Variants in ROBO1 observed in about 807,000 individuals in gnomAD.
ROBO1 encodes roundabout homolog 1.
ROBO1 carries 149 observed loss-of-function variants against 195.9 expected under a neutral mutation model. The ratio of observed to expected loss-of-function variants is 0.76; its 90% CI spans 0.67 to 0.87. The LOEUF is 0.87. Among genes scored for constraint, ROBO1 ranks in the 40% least tolerant of loss-of-function variants. The pLI, the probability that ROBO1 is intolerant of heterozygous loss-of-function variation, is 0.00. For synonymous variants in ROBO1, 816 were observed against 733.2 expected (o/e 1.11, Z -1.82); for missense variants, 1,933 against 2,068.3 (o/e 0.93, Z 1.27).
At chr3:79,622,579 G>A (rs1347001099) in intron 1 of ROBO1, among the ~76,000 whole-genome samples, 1 of 152,208 alleles carries the variant, frequency 6.6e-6, no homozygotes, top group Non-Finnish European at 1.5e-5. Context: ...TGTGACAAGA[G>A]TGCCTCTTGA....
At chr3:79,524,131 G>A (rs1941329476) in intron 2 of ROBO1, among the ~76,000 whole-genome samples, 1 of 152,008 alleles carries the variant, frequency 6.6e-6, no homozygotes, top group Admixed American at 6.6e-5. Context: ...GTTAGAGAAA[G>A]TTCAAATGCT....
At chr3:79,584,386 C>T (rs1363371153) in intron 2 of ROBO1, among the ~76,000 whole-genome samples, 1 of 150,788 alleles carries the variant, frequency 6.6e-6, no homozygotes, top group Non-Finnish European at 1.5e-5. Flanking sequence ...ACTTCCATTT[C>T]TCACCTTTGG....
intron 3 of ROBO1, among the ~76,000 whole-genome samples, chr3:79,003,762 T>G (rs891002985): frequency 2.0e-5 from 3 of 152,150 alleles, no homozygotes; most frequent in African/African-American, 7.2e-5. Context: ...TTATAACCTA[T>G]GCTCTACTGA....
chr3:79,412,874 A>ATTTTTTTTTTTTTTTTTTTTTTTTT (rs1167482550), intron 2 of ROBO1, among the ~76,000 whole-genome samples: 2 of 38,340 alleles, frequency 5.2e-5, no homozygotes, highest in Non-Finnish European at 4.3e-5. Flanking sequence ...TCATGAGCTG[A>ATTTTTTTTTTTTTTTTTTTTTTTTT]TTTTTTTTTT....
At chr3:78,794,651 C>T (rs2084130200) in intron 4 of ROBO1, among the ~76,000 whole-genome samples, 2 of 152,128 alleles carry the variant, frequency 1.3e-5, no homozygotes, top group Admixed American at 6.5e-5. Context: ...GATCTCAGCT[C>T]ACTGCAGCCC....
intron 3 of ROBO1, among the ~76,000 whole-genome samples, chr3:79,066,436 A>T (rs1267280487): frequency 2.6e-5 from 4 of 151,940 alleles, no homozygotes; most frequent in Non-Finnish European, 5.9e-5. Context: ...TTTACAAACA[A>T]TAGGTTTAAA....
chr3:79,230,268 A>G (rs1200816193), intron 2 of ROBO1, among the ~76,000 whole-genome samples: 1 of 152,146 alleles, frequency 6.6e-6, no homozygotes, highest in Non-Finnish European at 1.5e-5. Context: ...CTGAATTCTT[A>G]TAGCATATAT....
At chr3:79,555,809 C>G (rs557263609) in intron 2 of ROBO1, among the ~76,000 whole-genome samples, 7 of 152,192 alleles carry the variant, frequency 4.6e-5, no homozygotes, top group Admixed American at 4.6e-4. Context: ...AATTACAACT[C>G]TCAGCAAAAG....
intron 4 of ROBO1, among the ~76,000 whole-genome samples, chr3:78,927,014 T>C (rs973978690): frequency 2.0e-5 from 3 of 152,070 alleles, no homozygotes; most frequent in African/African-American, 7.2e-5. Flanking sequence ...CTATGTCAAT[T>C]GCTGACAAGA....
chr3:79,299,778 G>A (rs2032798459), intron 2 of ROBO1, among the ~76,000 whole-genome samples: 1 of 151,474 alleles, frequency 6.6e-6, no homozygotes, highest in South Asian at 2.1e-4. Flanking sequence ...AATAAAAATA[G>A]TGAAGTGTAG....
intron 2 of ROBO1, among the ~76,000 whole-genome samples, chr3:79,548,011 T>A (rs1448765170): frequency 6.6e-6 from 1 of 152,184 alleles, no homozygotes; most frequent in South Asian, 2.1e-4. Context: ...TGAGGACATA[T>A]GAGCAAGTTT....
At chr3:79,745,682 A>T (rs1576311752) in intron 1 of ROBO1, among the ~76,000 whole-genome samples, 1 of 152,288 alleles carries the variant, frequency 6.6e-6, no homozygotes, top group Non-Finnish European at 1.5e-5. Flanking sequence ...AGAGATAGCC[A>T]AGGTGTAACA....
At chr3:78,611,170 G>A (rs972037544) in intron 28 of ROBO1, among the ~76,000 whole-genome samples, 2 of 152,160 alleles carry the variant, frequency 1.3e-5, no homozygotes, top group Non-Finnish European at 2.9e-5. Flanking sequence ...ACATTAACCT[G>A]CTATAGAGAT....
intron 2 of ROBO1, among the ~76,000 whole-genome samples, chr3:79,143,250 C>A (rs572328049): frequency 3.3e-5 from 5 of 152,146 alleles, no homozygotes; most frequent in Non-Finnish European, 5.9e-5. Context: ...CAGCCTAACA[C>A]CTGGTAACCA....
intron 3 of ROBO1, among the ~76,000 whole-genome samples, chr3:78,971,358 C>T (rs2076762102): frequency 6.6e-6 from 1 of 152,180 alleles, no homozygotes; most frequent in Non-Finnish European, 1.5e-5. Context: ...CACTGCACTG[C>T]ACTCCAGCCT....
At chr3:79,136,158 A>G (rs1055654458) in intron 2 of ROBO1, among the ~76,000 whole-genome samples, 3 of 152,186 alleles carry the variant, frequency 2.0e-5, no homozygotes, top group Non-Finnish European at 2.9e-5. Flanking sequence ...TTATCATCCC[A>G]TGGTAGCCAG....
At chr3:79,346,688 T>C (rs1459642334) in intron 2 of ROBO1, among the ~76,000 whole-genome samples, 1 of 152,042 alleles carries the variant, frequency 6.6e-6, no homozygotes, top group African/African-American at 2.4e-5. Context: ...AATTTTCTAA[T>C]AAAAGTTTCC....
At chr3:78,811,722 C>G (rs1463336052) in intron 4 of ROBO1, among the ~76,000 whole-genome samples, 1 of 152,148 alleles carries the variant, frequency 6.6e-6, no homozygotes, top group Non-Finnish European at 1.5e-5. Context: ...TAATTTGGAA[C>G]TAGTATACTG....
At chr3:79,594,393 A>G (rs1378554060) in intron 1 of ROBO1, among the ~76,000 whole-genome samples, 1 of 152,064 alleles carries the variant, frequency 6.6e-6, no homozygotes, top group Non-Finnish European at 1.5e-5. Context: ...CTAAGAGTGT[A>G]TATACATATG....
Sources: allele counts gnomAD v4.1 joint callset (sites outside exome capture counted in the v4.1 genomes callset), GRCh38; gene constraint gnomAD v4.1.1; transcripts MANE v1.5; gene names NCBI Gene and HGNC (gene_info 2026-07-23, HGNC 2026-07-21).